The following SCRG1 variants were observed in gnomAD, a reference collection of about 807,000 sequenced individuals.
SCRG1 encodes the protein scrapie-responsive protein 1.
Under a neutral mutation model 7.7 loss-of-function variants are expected in SCRG1, and 3 were observed. The observed-to-expected ratio is 0.39, with a 90% CI of 0.18 to 1.01. The LOEUF (loss-of-function observed/expected upper bound fraction) is 1.01. Among genes scored for constraint, SCRG1 ranks in the 50% least tolerant of loss-of-function variants. SCRG1 has a pLI of 0.36. For synonymous variants in SCRG1, 46 were observed against 41.2 expected (o/e 1.12, Z -0.44); for missense variants, 110 against 117.2 (o/e 0.94, Z 0.28).
chr4:173,447,894 C>T, the SCRG1 span, among the ~76,000 whole-genome samples: 1 of 152,150 alleles, frequency 6.6e-6, no homozygotes, highest in Non-Finnish European at 1.5e-5. Flanking sequence ...CACCTGAGGT[C>T]AGGAGTTAGA....
the SCRG1 span, among the ~76,000 whole-genome samples, chr4:173,514,994 G>C: frequency 6.6e-6 from 1 of 152,200 alleles, no homozygotes; most frequent in Non-Finnish European, 1.5e-5. Flanking sequence ...CACAAAGGCA[G>C]GTGGTTAACA....
chr4:173,481,767 A>G, the SCRG1 span, among the ~76,000 whole-genome samples: 1 of 152,140 alleles, frequency 6.6e-6, no homozygotes, highest in Non-Finnish European at 1.5e-5. Flanking sequence ...TCTTTTCTCT[A>G]GCTTACTTTA....
chr4:173,393,223 T>G (rs1023211158), intron 1 of SCRG1, among the ~76,000 whole-genome samples: 13 of 152,366 alleles, frequency 8.5e-5, no homozygotes, highest in African/African-American at 3.1e-4. Flanking sequence ...ATTTATTGCT[T>G]TTTTCCCTTT....
At chr4:173,484,388 TTATACATTATATATTATATACATATAA>T in the SCRG1 span, among the ~76,000 whole-genome samples, 1 of 24,930 alleles carries the variant, frequency 4.0e-5, no homozygotes, top group Non-Finnish European at 7.6e-5. Context: ...TATGTATATT[TTATACATTATATATTATATACATATAA>T]TATATATTAT....
At chr4:173,392,220 T>C (rs763043959) in intron 1 of SCRG1, among the ~76,000 whole-genome samples, 9 of 152,200 alleles carry the variant, frequency 5.9e-5, no homozygotes, top group Non-Finnish European at 1.2e-4. Flanking sequence ...TATTTATAGT[T>C]TGATTGTTTT....
the SCRG1 span, among the ~76,000 whole-genome samples, chr4:173,440,699 T>C: frequency 1.3e-5 from 2 of 152,194 alleles, no homozygotes; most frequent in Non-Finnish European, 2.9e-5. Flanking sequence ...CAGAAATGTA[T>C]GCTCTCATAG....
At chr4:173,406,336 A>T (rs916459400) in exon 1 of SCRG1, 3 of 152,158 alleles carry the variant, frequency 2.0e-5, no homozygotes, top group African/African-American at 7.2e-5. Context: ...GACAGACTCT[A>T]CTCATTTCCA....
chr4:173,454,021 T>C, the SCRG1 span, among the ~76,000 whole-genome samples: 2 of 149,890 alleles, frequency 1.3e-5, no homozygotes, highest in Admixed American at 1.3e-4. Flanking sequence ...GAGGTTGCAC[T>C]GAGCCGAGAT....
At chr4:173,482,558 C>T in the SCRG1 span, among the ~76,000 whole-genome samples, 1 of 152,086 alleles carries the variant, frequency 6.6e-6, no homozygotes, top group Non-Finnish European at 1.5e-5. Flanking sequence ...TGGCTCATGT[C>T]TGTAATCCTA....
intron 1 of SCRG1, among the ~76,000 whole-genome samples, chr4:173,397,630 CA>C (rs1485674440): frequency 6.6e-6 from 1 of 152,118 alleles, no homozygotes. Context: ...TAGGGAGTTG[CA>C]AATTTTGATT....
chr4:173,485,091 T>C, the SCRG1 span, among the ~76,000 whole-genome samples: 1 of 13,040 alleles, frequency 7.7e-5, no homozygotes, highest in African/African-American at 1.7e-4. Context: ...TAATATATTA[T>C]ATATTATATA....
At chr4:173,428,272 T>C in the SCRG1 span, among the ~76,000 whole-genome samples, 1 of 152,224 alleles carries the variant, frequency 6.6e-6, no homozygotes, top group Non-Finnish European at 1.5e-5. Flanking sequence ...AGAACTTTTT[T>C]CTTTGATTTT....
the SCRG1 span, among the ~76,000 whole-genome samples, chr4:173,511,343 T>C: frequency 2.6e-5 from 4 of 152,312 alleles, no homozygotes; most frequent in African/African-American, 9.6e-5. This position sits in a 1 kb window ranked among gnomAD's most constrained non-coding sequence, Gnocchi z 5.2. Context: ...GTGGTGGAGA[T>C]AGGCCTGCTC....
chr4:173,427,818 T>C, the SCRG1 span, among the ~76,000 whole-genome samples: 1 of 152,208 alleles, frequency 6.6e-6, no homozygotes. Flanking sequence ...TATAGCAGGT[T>C]GCTAAAAGAG....
At chr4:173,409,611 CAG>C (rs1305385444), upstream of SCRG1, among the ~76,000 whole-genome samples, 2 of 121,938 alleles carry the variant, frequency 1.6e-5, no homozygotes, top group African/African-American at 3.2e-5. Context: ...TTTTTTGAGA[CAG>C]AGTCTCGCTC....
chr4:173,466,070 T>G, the SCRG1 span, among the ~76,000 whole-genome samples: 1 of 152,180 alleles, frequency 6.6e-6, no homozygotes, highest in South Asian at 2.1e-4. Flanking sequence ...AGACCATTTG[T>G]GTACAAAATG....
the SCRG1 span, among the ~76,000 whole-genome samples, chr4:173,518,038 T>C: frequency 6.6e-6 from 1 of 152,252 alleles, no homozygotes; most frequent in African/African-American, 2.4e-5. Context: ...CGAAGGGCTG[T>C]GGGAGGAGGC....
intron 1 of SCRG1, among the ~76,000 whole-genome samples, chr4:173,394,661 T>C (rs1739549079): frequency 1.6e-5 from 1 of 61,986 alleles, no homozygotes; most frequent in Non-Finnish European, 5.7e-5. Context: ...AAAATTATAA[T>C]TATAAGTCTG....
the SCRG1 span, among the ~76,000 whole-genome samples, chr4:173,516,690 C>G: frequency 6.6e-6 from 1 of 152,350 alleles, no homozygotes; most frequent in Non-Finnish European, 1.5e-5. Context: ...CCAAGATGGA[C>G]TGCCGGAGAA....
Sources: allele counts gnomAD v4.1 joint callset (sites outside exome capture counted in the v4.1 genomes callset), GRCh38; gene constraint gnomAD v4.1.1; non-coding constraint Gnocchi (gnomAD v3.1); transcripts MANE v1.5; gene names NCBI Gene and HGNC (gene_info 2026-07-23, HGNC 2026-07-21).